The following STAMBPL1 variants were observed in gnomAD, a reference collection of about 807,000 sequenced individuals.
STAMBPL1 encodes the protein AMSH-like protease.
A neutral mutation model predicts 52.9 loss-of-function variants in STAMBPL1; 44 were observed. The ratio of observed to expected loss-of-function variants is 0.83; its 90% confidence interval spans 0.65 to 1.07. The LOEUF (loss-of-function observed/expected upper bound fraction) is 1.07, where lower values mean the gene tolerates loss of function less well. STAMBPL1 is among the 50% of genes least tolerant of loss of function. The pLI is 0.00. For synonymous variants in STAMBPL1, 164 were observed against 177.3 expected (o/e 0.92, Z 0.60); for missense variants, 511 against 520.8 (o/e 0.98, Z 0.18).
At chr10:88,894,719 A>G (rs1464212162) in intron 1 of STAMBPL1, among the ~76,000 whole-genome samples, 1 of 152,240 alleles carries the variant, frequency 6.6e-6, no homozygotes, top group African/African-American at 2.4e-5. Context: ...GATTAAACGG[A>G]GCAAATTAGA....
At chr10:88,899,174 T>C (rs111834240) in intron 1 of STAMBPL1, among the ~76,000 whole-genome samples, 13 of 152,332 alleles carry the variant, frequency 8.5e-5, no homozygotes, top group African/African-American at 3.1e-4. Flanking sequence ...TTTTTTTCAT[T>C]ATCCTTCTGT....
At chr10:88,916,288 T>C (rs1845367541) in intron 7 of STAMBPL1, among the ~76,000 whole-genome samples, 2 of 151,982 alleles carry the variant, frequency 1.3e-5, no homozygotes, top group East Asian at 2.0e-4. Flanking sequence ...ATTTAACTAG[T>C]GTCTCCCCCT....
At chr10:88,884,152 T>C (rs537040871) in intron 1 of STAMBPL1, among the ~76,000 whole-genome samples, 1 of 152,344 alleles carries the variant, frequency 6.6e-6, no homozygotes, top group East Asian at 1.9e-4. Flanking sequence ...AATTGGGCTA[T>C]GTCCAAAGAT....
intron 1 of STAMBPL1, among the ~76,000 whole-genome samples, chr10:88,892,195 T>C (rs1050207073): frequency 3.9e-5 from 6 of 152,058 alleles, no homozygotes. Flanking sequence ...AGGTGCTTAG[T>C]GGGGGTTTGT....
chr10:88,919,129 CAT>C (rs1380091648), intron 8 of STAMBPL1, among the ~76,000 whole-genome samples: 18 of 152,082 alleles, frequency 1.2e-4, no homozygotes, highest in Non-Finnish European at 1.9e-4. Context: ...AGGTCTGAAA[CAT>C]AGTCAGACAG....
At chr10:88,918,599 A>G (rs999932742) in intron 8 of STAMBPL1, among the ~76,000 whole-genome samples, 2 of 152,190 alleles carry the variant, frequency 1.3e-5, no homozygotes, top group African/African-American at 4.8e-5. Flanking sequence ...AACTCTTCAT[A>G]TGTCTATTTG....
In STAMBPL1 at chr10:88,916,828, C is replaced by T; in HGVS notation, c.1041+11C>T. 1.3e-6 allele frequency: 2 copies of T among 1,533,024 alleles called. No individual in the cohort carries two copies. Among genetic ancestry groups the T allele is most frequent in the South Asian group, 1.3e-5 (1 of 77,622 alleles). The allele number at this position is 1,533,024 out of a possible 1,614,324, so 95.0% of individuals were successfully genotyped here. Reference sequence around the variant, plus strand: ...CTAGGATGGATCCATGTACGTTTGACCTTTTGGGTTTCAGTTTTTTTGTGT... The same window carrying T: ...CTAGGATGGATCCATGTACGTTTGATCTTTTGGGTTTCAGTTTTTTTGTGT... On this transcript the variant is annotated intron_variant, in intron 8 of 10. Transcript: ENST00000371926.
intron 2 of STAMBPL1, among the ~76,000 whole-genome samples, chr10:88,902,716 TGCC>T (rs1178560471): frequency 1.3e-5 from 2 of 152,000 alleles, no homozygotes; most frequent in South Asian, 2.1e-4. Context: ...GAGTATAGGC[TGCC>T]GCCACCACGC....
chr10:88,906,482 T>C (rs7903022), intron 3 of STAMBPL1, among the ~76,000 whole-genome samples: 270 of 152,360 alleles, frequency 1.8e-3, no homozygotes, highest in African/African-American at 5.9e-3. Flanking sequence ...GCTAGCTTAT[T>C]ATTTATTAAT....
chr10:88,902,464 C>T (rs1323576755), intron 2 of STAMBPL1, among the ~76,000 whole-genome samples: 1 of 152,174 alleles, frequency 6.6e-6, no homozygotes, highest in African/African-American at 2.4e-5. Context: ...AGGAGTAGCC[C>T]CATGAGCTGC....
chr10:88,917,269 G>A (rs1260311756), intron 8 of STAMBPL1, among the ~76,000 whole-genome samples: 1 of 152,094 alleles, frequency 6.6e-6, no homozygotes, highest in Non-Finnish European at 1.5e-5. Context: ...ATCTGAAAGT[G>A]TTTCTTTTAA....
At chr10:88,897,680 C>T (rs1262951224) in intron 1 of STAMBPL1, among the ~76,000 whole-genome samples, 4 of 152,080 alleles carry the variant, frequency 2.6e-5, no homozygotes, top group Admixed American at 6.5e-5. Context: ...AGCGCCCTGC[C>T]GAATGAGTAA....
At position 88,901,724 on chromosome 10, in the gene STAMBPL1, A is replaced by G. The variant is rs768287930; in HGVS notation, c.16A>G (p.Thr6Ala). Residue 6 changes from threonine (T) to alanine (A), a missense_variant, in exon 2 of 11, where the codon ACT becomes GCT. Coordinates refer to ENST00000371926, the MANE Select transcript of STAMBPL1 (RefSeq NM_020799.4). ...ATAAGACAACATGGATCAGCCTTTT[A>G]CTGTGAATTCTCTGGTAGGTCACAC... MDQPF[T>A]VNSLKKLAAM... The G allele has an allele frequency of 6.2e-7, 1 of 1,612,776 alleles. No homozygotes were observed. The highest frequency in any genetic ancestry group is 8.5e-7 in the Non-Finnish European group (1 of 1,179,482).
intron 8 of STAMBPL1, among the ~76,000 whole-genome samples, chr10:88,919,627 T>C (rs1845455559): frequency 6.6e-6 from 1 of 152,180 alleles, no homozygotes; most frequent in African/African-American, 2.4e-5. Flanking sequence ...AAAGAGAAGG[T>C]ATTCCTTGTA....
At chr10:88,898,682 A>C (rs1284182478) in intron 1 of STAMBPL1, among the ~76,000 whole-genome samples, 1 of 152,188 alleles carries the variant, frequency 6.6e-6, no homozygotes, top group East Asian at 1.9e-4. Flanking sequence ...GATGTTTAAG[A>C]TATGTTTAAA....
chr10:88,883,046 TC>T (rs1160043899), intron 1 of STAMBPL1, among the ~76,000 whole-genome samples: 2 of 127,690 alleles, frequency 1.6e-5, no homozygotes, highest in Non-Finnish European at 3.2e-5. Flanking sequence ...TGTGTGATGT[TC>T]CCCTTCCTGT....
In STAMBPL1 at chr10:88,913,525, T is replaced by G. The variant is rs1399236646; in HGVS notation, c.778+67T>G. The G allele has an allele frequency of 2.3e-6, 3 of 1,331,916 alleles. No homozygotes were observed. In the East Asian group the frequency reaches 6.9e-5, roughly 31 times the overall value. 82.5% of individuals were successfully genotyped at this position (1,331,916 alleles called of 1,614,324 possible). A position where few individuals can be genotyped will look rare whatever the true frequency, so the allele number is the denominator to read the frequency against. On this transcript the variant is annotated intron_variant, in intron 6 of 10. Transcript: ENST00000371926. The stretch of plus-strand genomic sequence containing the variant: ...CGGATGGAACCATATTTCTATAGCA[T>G]CTGGGAGGGTCCTTCTCATTTCATT...
At chr10:88,883,460 A>G (rs1351152031) in intron 1 of STAMBPL1, among the ~76,000 whole-genome samples, 1 of 152,240 alleles carries the variant, frequency 6.6e-6, no homozygotes, top group Non-Finnish European at 1.5e-5. Flanking sequence ...GTGTGAATGT[A>G]CATTCAGAAA....
intron 7 of STAMBPL1, among the ~76,000 whole-genome samples, chr10:88,914,930 G>A (rs1401556075): frequency 6.6e-6 from 1 of 152,000 alleles, no homozygotes; most frequent in South Asian, 2.1e-4. Context: ...TAGAAAAATG[G>A]TACGAAATAT....
Sources: allele counts gnomAD v4.1 joint callset (sites outside exome capture counted in the v4.1 genomes callset), GRCh38; gene constraint gnomAD v4.1.1; transcripts MANE v1.5; gene names NCBI Gene and HGNC (gene_info 2026-07-23, HGNC 2026-07-21).